The following SUGCT variants were observed in gnomAD, a reference collection of about 807,000 sequenced individuals.
SUGCT encodes succinyl-CoA:glutarate-CoA transferase, also known as succinyl-CoA:glutarate CoA-transferase.
A neutral mutation model predicts 55.0 loss-of-function variants in SUGCT; 41 were observed. The observed-to-expected ratio is 0.74, with a 90% confidence interval of 0.58 to 0.97. The LOEUF (loss-of-function observed/expected upper bound fraction) is 0.97, where lower values mean the gene tolerates loss of function less well. Among genes scored for constraint, SUGCT ranks in the 50% least tolerant of loss-of-function variants. The pLI is 0.00. For missense variants in SUGCT, 568 were observed against 547.8 expected (o/e 1.04, Z -0.37); for synonymous variants, 187 against 200.4 (o/e 0.93, Z 0.56).
At chr7:40,714,379 A>G (rs1340197233) in intron 12 of SUGCT, among the ~76,000 whole-genome samples, 1 of 152,132 alleles carries the variant, frequency 6.6e-6, no homozygotes, top group Non-Finnish European at 1.5e-5. Flanking sequence ...CAAAAGGAAC[A>G]TAACTACTCA....
chr7:40,855,868 A>T (rs1168937713), intron 13 of SUGCT, among the ~76,000 whole-genome samples: 1 of 152,174 alleles, frequency 6.6e-6, no homozygotes. Flanking sequence ...CTTTCCCTTT[A>T]TAGCTTTCTT....
chr7:40,586,683 C>G (rs1015527239), intron 12 of SUGCT, among the ~76,000 whole-genome samples: 1 of 152,150 alleles, frequency 6.6e-6, no homozygotes, highest in Non-Finnish European at 1.5e-5. Context: ...TACCAATTTA[C>G]AGGCCACATA....
At chr7:40,197,395 C>T (rs919574139) in intron 6 of SUGCT, among the ~76,000 whole-genome samples, 6 of 152,142 alleles carry the variant, frequency 3.9e-5, no homozygotes, top group East Asian at 1.9e-4. Context: ...ACCATAAAAA[C>T]GCTGCATAGC....
intron 12 of SUGCT, among the ~76,000 whole-genome samples, chr7:40,703,332 C>T (rs999225318): frequency 9.9e-5 from 15 of 152,118 alleles, no homozygotes; most frequent in African/African-American, 3.1e-4. Context: ...TGCCAGGGTC[C>T]GATTGACCAT....
chr7:40,543,999 C>T (rs1218161045), intron 12 of SUGCT, among the ~76,000 whole-genome samples: 1 of 152,116 alleles, frequency 6.6e-6, no homozygotes, highest in Non-Finnish European at 1.5e-5. Flanking sequence ...TGACAAAAAT[C>T]ATACTTGGTA....
Position 40,514,385 on chromosome 7 carries a change from G to C in SUGCT, c.1089+17999G>C, listed in dbSNP as rs144031026. Among the ~76,000 whole-genome samples the C allele has an allele frequency of 9.1e-4, 138 of 152,060 alleles. 1 individual carries two copies. Among genetic ancestry groups the C allele is most frequent in the African/African-American group, 3.1e-3 (127 of 41,492 alleles). The stretch of plus-strand genomic sequence containing the variant: ...TCACAATTTAACTTACTATTTTACA[G>C]AAAAATATGAGATTTATTAACAAAC... On this transcript the variant is annotated intron_variant, in intron 12 of 13. Transcript: ENST00000335693.
chr7:40,428,458 T>A (rs959732912), intron 9 of SUGCT, among the ~76,000 whole-genome samples: 2 of 152,146 alleles, frequency 1.3e-5, no homozygotes, highest in African/African-American at 4.8e-5. Flanking sequence ...TGTTTTCCTG[T>A]CTTGTTGTAT....
At chr7:40,514,808 T>C (rs555677180) in intron 12 of SUGCT, among the ~76,000 whole-genome samples, 1 of 150,330 alleles carries the variant, frequency 6.7e-6, no homozygotes, top group African/African-American at 2.4e-5. Flanking sequence ...TACCACGGCA[T>C]ACTTTTCAGG....
chr7:41,006,661 G>T, the SUGCT span, among the ~76,000 whole-genome samples: 7 of 152,236 alleles, frequency 4.6e-5, no homozygotes, highest in African/African-American at 1.7e-4. Flanking sequence ...TCAAGGGGAT[G>T]GTGGTCATTG....
intron 8 of SUGCT, among the ~76,000 whole-genome samples, chr7:40,307,171 T>G (rs998578904): frequency 2.6e-5 from 4 of 152,228 alleles, no homozygotes; most frequent in African/African-American, 9.7e-5. Flanking sequence ...ACAACTCTAC[T>G]GGTTTTCAAT....
chr7:40,223,818 C>T (rs901650646), intron 6 of SUGCT, among the ~76,000 whole-genome samples: 5 of 152,088 alleles, frequency 3.3e-5, no homozygotes, highest in Admixed American at 6.6e-5. Context: ...TTCCTCTTGG[C>T]GATGAAACAA....
At chr7:40,326,393 T>C (rs995064255) in intron 9 of SUGCT, among the ~76,000 whole-genome samples, 2 of 152,164 alleles carry the variant, frequency 1.3e-5, no homozygotes, top group Admixed American at 6.6e-5. Flanking sequence ...ATAGCTTTTG[T>C]GAATAATAGT....
chr7:40,534,958 A>AT (rs1478422506), intron 12 of SUGCT, among the ~76,000 whole-genome samples: 1 of 152,072 alleles, frequency 6.6e-6, no homozygotes, highest in Non-Finnish European at 1.5e-5. Context: ...TATTTATAAG[A>AT]TTTTTTAATG....
At chr7:40,167,010 C>T (rs1237476856) in intron 1 of SUGCT, among the ~76,000 whole-genome samples, 3 of 152,096 alleles carry the variant, frequency 2.0e-5, no homozygotes, top group African/African-American at 4.8e-5. Flanking sequence ...GCTATACATG[C>T]ACTTACCATA....
chr7:40,394,424 T>C (rs1785607530), intron 9 of SUGCT, among the ~76,000 whole-genome samples: 1 of 152,194 alleles, frequency 6.6e-6, no homozygotes, highest in African/African-American at 2.4e-5. Flanking sequence ...TAAATAAATA[T>C]GCCCATCTTC....
the SUGCT span, among the ~76,000 whole-genome samples, chr7:40,941,996 C>T: frequency 5.9e-5 from 9 of 152,042 alleles, no homozygotes; most frequent in Non-Finnish European, 1.3e-4. Context: ...GAAGATATTT[C>T]GTTTGTGAGT....
At chr7:40,957,447 C>CTTTTTTTTTTTTTTTT in the SUGCT span, among the ~76,000 whole-genome samples, 1 of 76,088 alleles carries the variant, frequency 1.3e-5, no homozygotes, top group Non-Finnish European at 2.5e-5. Flanking sequence ...GCAACCCCTG[C>CTTTTTTTTTTTTTTTT]TTTTTTTTTT....
chr7:40,520,527 AG>A (rs1023638829), intron 12 of SUGCT, among the ~76,000 whole-genome samples: 6 of 152,194 alleles, frequency 3.9e-5, no homozygotes, highest in African/African-American at 1.4e-4. Context: ...TTATATTTTA[AG>A]CGAAACTTCT....
chr7:40,188,152 G>A (rs901177686), intron 3 of SUGCT, among the ~76,000 whole-genome samples: 4 of 152,018 alleles, frequency 2.6e-5, no homozygotes, highest in Non-Finnish European at 1.5e-5. Context: ...TGCTTTAAAT[G>A]GATGGGCGCG....
Sources: allele counts gnomAD v4.1 joint callset (sites outside exome capture counted in the v4.1 genomes callset), GRCh38; gene constraint gnomAD v4.1.1; transcripts MANE v1.5; gene names NCBI Gene and HGNC (gene_info 2026-07-23, HGNC 2026-07-21).